Variants in GPM6B observed in about 807,000 individuals in gnomAD.
GPM6B encodes the protein glycoprotein M6B.
GPM6B carries 4 observed loss-of-function variants against 27.2 expected under a neutral mutation model. The observed-to-expected ratio is 0.15, with a 90% CI of 0.07 to 0.34. GPM6B has a LOEUF of 0.34. GPM6B is among the 10% of genes least tolerant of loss of function. The pLI, the probability that GPM6B is intolerant of heterozygous loss-of-function variation, is 1.00. For missense variants in GPM6B, 183 were observed against 261.9 expected (o/e 0.70, Z 2.08); for synonymous variants, 124 against 103.1 (o/e 1.20, Z -1.23).
At position 13,777,376 on chromosome X, in the gene GPM6B, C is replaced by T; in HGVS notation, c.747G>A (p.Leu249=). 1 of 1,205,081 alleles carries T rather than the reference C, an allele frequency of 8.3e-7. No individual in the cohort carries two copies. The highest frequency in any genetic ancestry group is 1.1e-6 in the Non-Finnish European group (1 of 889,373). The change falls in exon 6 of 8, where the codon CTG becomes CTA. Residue 249 remains leucine (L), a synonymous_variant. Transcript: ENST00000316715. ...AFPGKICGSA[L]ENICNTNEFY... ...CCTCGTTTGTGTTGCAGATGTTCTCCAGGGCAGAGCCACATATTTTTCCGG... is the reference window on the plus strand; with the variant it reads ...CCTCGTTTGTGTTGCAGATGTTCTCTAGGGCAGAGCCACATATTTTTCCGG...
At chrX:13,862,203 A>C (rs1317567630) in intron 1 of GPM6B, among the ~76,000 whole-genome samples, 1 of 111,491 alleles carries the variant, frequency 9.0e-6, no homozygotes, top group African/African-American at 3.3e-5. Flanking sequence ...CTACAACAAA[A>C]AACAACAACA....
At position 13,771,395 on chromosome X, in the gene GPM6B, A is replaced by C. The variant is rs1478872003; in HGVS notation, c.*1486T>G. On this transcript the variant is annotated 3_prime_UTR_variant, in exon 8 of 8. Transcript: ENST00000316715. ...GAGAGCTTCTCTTAATTTAAAAAAA[A>C]AAAAAAATCCCAAATAGGCATTTTT... 9.0e-6 allele frequency: 1 copy of C among 111,707 alleles called. No homozygotes were observed. The highest frequency in any genetic ancestry group is 1.9e-5 in the Non-Finnish European group (1 of 52,954). 9.2% of individuals were successfully genotyped at this position (111,707 alleles called of 1,213,427 possible). A position where few individuals can be genotyped will look rare whatever the true frequency, so the allele number is the denominator to read the frequency against.
At chrX:13,803,327 G>A (rs925833751) in intron 2 of GPM6B, among the ~76,000 whole-genome samples, 1 of 110,271 alleles carries the variant, frequency 9.1e-6, no homozygotes, top group African/African-American at 3.3e-5. Flanking sequence ...ACCCCGTGGC[G>A]ACTCAGGAAT....
intron 1 of GPM6B, among the ~76,000 whole-genome samples, chrX:13,855,005 C>G (rs970479440): frequency 3.0e-5 from 3 of 101,142 alleles, no homozygotes; most frequent in Non-Finnish European, 4.0e-5. Flanking sequence ...CCTAATACTT[C>G]CCTCATAGTT....
intron 1 of GPM6B, among the ~76,000 whole-genome samples, chrX:13,827,159 C>T (rs914303679): frequency 1.2e-4 from 13 of 110,039 alleles, no homozygotes; most frequent in African/African-American, 4.3e-4. Flanking sequence ...TATCATCTGC[C>T]AAAATCCCAA....
At chrX:13,779,293 A>ATT (rs5901517) in intron 5 of GPM6B, among the ~76,000 whole-genome samples, 42,463 of 110,843 alleles carry the variant, frequency 0.38, 7,090 homozygotes, top group African/African-American at 0.61. Flanking sequence ...GCTGATAATG[A>ATT]TTTATAGAGT....
intron 1 of GPM6B, among the ~76,000 whole-genome samples, chrX:13,906,210 T>G (rs1278615702): frequency 1.8e-5 from 2 of 112,586 alleles, no homozygotes; most frequent in African/African-American, 6.4e-5. Flanking sequence ...TTTTTGTTCA[T>G]GCACCTCCTC....
At chrX:13,889,345 G>A (rs2050167652) in intron 1 of GPM6B, 1 of 111,815 alleles carries the variant, frequency 8.9e-6, no homozygotes, top group African/African-American at 3.3e-5. Context: ...TGTACTAGTA[G>A]TAAAACCACC....
intron 1 of GPM6B, among the ~76,000 whole-genome samples, chrX:13,848,787 A>G (rs1432367959): frequency 8.9e-6 from 1 of 112,658 alleles, no homozygotes; most frequent in East Asian, 2.8e-4. Flanking sequence ...AAACTTGTAC[A>G]TGAATGTTCA....
At chrX:13,853,104 C>G (rs980153233) in intron 1 of GPM6B, among the ~76,000 whole-genome samples, 109 of 111,127 alleles carry the variant, frequency 9.8e-4, no homozygotes, top group African/African-American at 3.4e-3. Context: ...CGTACTCCCA[C>G]CAGAAGCACC....
chrX:13,871,930 G>C (rs1156948294), intron 1 of GPM6B, among the ~76,000 whole-genome samples: 1 of 111,876 alleles, frequency 8.9e-6, no homozygotes, highest in Admixed American at 9.5e-5. Flanking sequence ...GGGTCCAGCT[G>C]TTCTTCCAGG....
chrX:13,781,934 C>T (rs936602404), intron 4 of GPM6B, among the ~76,000 whole-genome samples: 7 of 111,659 alleles, frequency 6.3e-5, no homozygotes. Context: ...AGACAAAGGC[C>T]TTTGGTGATG....
At chrX:13,776,980 C>T (rs1485508538) in intron 6 of GPM6B, among the ~76,000 whole-genome samples, 2 of 108,968 alleles carry the variant, frequency 1.8e-5, no homozygotes, top group East Asian at 2.9e-4. Context: ...AACTTACATC[C>T]GTTCTGTGAC....
chrX:13,843,458 C>T, intron 1 of GPM6B, among the ~76,000 whole-genome samples: 1 of 111,931 alleles, frequency 8.9e-6, no homozygotes, highest in Admixed American at 9.5e-5. Context: ...GGGTATATAC[C>T]TGAAAGTAGA....
intron 1 of GPM6B, among the ~76,000 whole-genome samples, chrX:13,878,384 G>T (rs186611339): frequency 9.1e-6 from 1 of 110,448 alleles, no homozygotes; most frequent in African/African-American, 3.3e-5. Flanking sequence ...AGAGCAGAGG[G>T]GTCTGGGAGT....
intron 2 of GPM6B, among the ~76,000 whole-genome samples, chrX:13,802,233 G>T (rs764120915): frequency 9.0e-6 from 1 of 110,853 alleles, no homozygotes; most frequent in South Asian, 3.9e-4. Context: ...CAAAGACCGA[G>T]AAGTACTCAG....
chrX:13,833,353 T>G (rs1461844218), intron 1 of GPM6B, among the ~76,000 whole-genome samples: 2 of 110,606 alleles, frequency 1.8e-5, no homozygotes, highest in African/African-American at 6.6e-5. Context: ...ACAAGCTATT[T>G]GATAAAACCT....
chrX:13,921,581 C>CGT (rs1555932309), intron 1 of GPM6B, among the ~76,000 whole-genome samples: 1 of 92,819 alleles, frequency 1.1e-5, no homozygotes, highest in Non-Finnish European at 2.1e-5. Flanking sequence ...AACCCCCCCC[C>CGT]TTTTTTTTTT....
At chrX:13,921,623 T>C (rs1383164941) in intron 1 of GPM6B, among the ~76,000 whole-genome samples, 1 of 100,576 alleles carries the variant, frequency 9.9e-6, no homozygotes, top group African/African-American at 3.7e-5. Flanking sequence ...TCACCCAGGC[T>C]GGAGTGCCGT....
Sources: allele counts gnomAD v4.1 joint callset (sites outside exome capture counted in the v4.1 genomes callset), GRCh38; gene constraint gnomAD v4.1.1; transcripts MANE v1.5; gene names NCBI Gene and HGNC (gene_info 2026-07-23, HGNC 2026-07-21).